TRAPPC10: variants seen among roughly 807,000 people sequenced by gnomAD.
The protein encoded by TRAPPC10 is trafficking protein particle complex subunit 10.
In TRAPPC10, 23 loss-of-function variants were observed where a neutral mutation model predicts 125.5. The ratio of observed to expected loss-of-function variants is 0.18; its 90% CI spans 0.13 to 0.26. The LOEUF is 0.26. Among genes scored for constraint, TRAPPC10 ranks in the 10% least tolerant of loss-of-function variants. TRAPPC10 has a pLI of 1.00. For synonymous variants in TRAPPC10, 509 were observed against 518.0 expected (o/e 0.98, Z 0.24); for missense variants, 1,123 against 1,308.4 (o/e 0.86, Z 2.19).
At chr21:44,090,206 C>T (rs568693509) in intron 18 of TRAPPC10, among the ~76,000 whole-genome samples, 2 of 151,824 alleles carry the variant, frequency 1.3e-5, no homozygotes, top group African/African-American at 4.9e-5. Flanking sequence ...GATCTCTGTT[C>T]ATCCTTTCTT....
intron 1 of TRAPPC10, among the ~76,000 whole-genome samples, chr21:44,019,977 G>A (rs1347429047): frequency 6.6e-6 from 1 of 152,078 alleles, no homozygotes; most frequent in Non-Finnish European, 1.5e-5. Context: ...AGCCTCTTCT[G>A]TGCTCTCTCC....
intron 10 of TRAPPC10, 31 bp from the exon 11 acceptor site, chr21:44,077,662 A>G (rs769798917): frequency 2.0e-6 from 3 of 1,472,094 alleles, no homozygotes; most frequent in South Asian, 1.2e-5. Flanking sequence ...TAAAAGTTCA[A>G]GTACATAATT....
chr21:44,043,213 T>C (rs1173953614), intron 3 of TRAPPC10, among the ~76,000 whole-genome samples: 7 of 80,546 alleles, frequency 8.7e-5, no homozygotes, highest in African/African-American at 7.4e-4. Context: ...ATTACGCTTT[T>C]TTTTTTTTTT....
At chr21:44,071,789 G>A (rs1283209550) in intron 7 of TRAPPC10, among the ~76,000 whole-genome samples, 1 of 152,240 alleles carries the variant, frequency 6.6e-6, no homozygotes, top group African/African-American at 2.4e-5. Context: ...TGGAGCCGGT[G>A]AGAACTCGCA....
chr21:44,018,811 T>C (rs1406911061), intron 1 of TRAPPC10, among the ~76,000 whole-genome samples: 1 of 152,164 alleles, frequency 6.6e-6, no homozygotes, highest in Non-Finnish European at 1.5e-5. Flanking sequence ...TGTGGCTCAC[T>C]CTGGCTGAGT....
chr21:44,025,828 GTGTGT>G (rs2032999213), intron 1 of TRAPPC10, among the ~76,000 whole-genome samples: 1 of 5,360 alleles, frequency 1.9e-4, no homozygotes, highest in Non-Finnish European at 3.8e-4. Context: ...AGGGGTGTGT[GTGTGT>G]GTGTGTGTGT....
chr21:44,094,031 G>A (rs1211485799), intron 19 of TRAPPC10, 32 bp from the exon 20 acceptor site: 1 of 1,603,052 alleles, frequency 6.2e-7, no homozygotes, highest in East Asian at 2.2e-5. Flanking sequence ...TTATGGTGCT[G>A]TGTGAGCAGT....
At chr21:44,028,858 T>C (rs1184463574) in intron 1 of TRAPPC10, among the ~76,000 whole-genome samples, 1 of 152,106 alleles carries the variant, frequency 6.6e-6, no homozygotes, top group African/African-American at 2.4e-5. Context: ...AACAAGCGAG[T>C]TCCTGCTGGG....
At chr21:44,041,114 A>T (rs757011200) in intron 3 of TRAPPC10, among the ~76,000 whole-genome samples, 1 of 152,042 alleles carries the variant, frequency 6.6e-6, no homozygotes, top group Non-Finnish European at 1.5e-5. Context: ...TTGATGTTCT[A>T]CTTAATTCAT....
intron 3 of TRAPPC10, among the ~76,000 whole-genome samples, chr21:44,047,991 A>G (rs930114920): frequency 2.6e-5 from 4 of 152,302 alleles, no homozygotes; most frequent in East Asian, 1.9e-4. Flanking sequence ...GTCCAGGACA[A>G]ATTATTCCTT....
chr21:44,082,601 A>G lies in TRAPPC10; in HGVS notation c.1724-187A>G, dbSNP rs1345801207. On this transcript the variant is annotated intron_variant, in intron 13 of 22. Coordinates refer to ENST00000291574, the MANE Select transcript of TRAPPC10 (RefSeq NM_003274.5). This position sits in a 1 kb window ranked among gnomAD's most constrained non-coding sequence, Gnocchi z 4.4. ...AGGCATTACGTAGGTATTTGCTAAT[A>G]TTCTGCTTTTGATACAATAGCCTTT... is the stretch of plus-strand genomic sequence containing the variant. 2.0e-5 allele frequency among the ~76,000 whole-genome samples: 3 copies of G among 151,968 alleles called. No individual in the cohort carries two copies. The highest frequency in any genetic ancestry group is 4.4e-5 in the Non-Finnish European group (3 of 68,012).
chr21:44,023,233 C>T (rs1322367171), intron 1 of TRAPPC10, among the ~76,000 whole-genome samples: 12 of 151,684 alleles, frequency 7.9e-5, no homozygotes, highest in South Asian at 4.2e-4. Context: ...GGGGTTTCAC[C>T]GTGTTAGCCA....
chr21:44,084,294 G>A (rs542556213), intron 15 of TRAPPC10, 31 bp downstream of exon 15: 68 of 1,606,726 alleles, frequency 4.2e-5, no homozygotes, highest in East Asian at 3.1e-4. Context: ...TTGAGGAGGC[G>A]TGCTGCTGGG....
chr21:44,043,970 C>T (rs2034596674), intron 3 of TRAPPC10, among the ~76,000 whole-genome samples: 1 of 152,182 alleles, frequency 6.6e-6, no homozygotes. Context: ...CCTTGGTTCC[C>T]ACCAAATCCT....
At chr21:44,043,209 CTTTTTT>C (rs34708259) in intron 3 of TRAPPC10, among the ~76,000 whole-genome samples, 4 of 94,354 alleles carry the variant, frequency 4.2e-5, no homozygotes, top group African/African-American at 2.0e-4. Context: ...AATTATTACG[CTTTTTT>C]TTTTTTTTTT....
rs191729836 is a variant in TRAPPC10, at chr21:44,021,878, A to G, written c.67+9318A>G. Among the ~76,000 whole-genome samples, 6 of 152,288 alleles carry G rather than the reference A, an allele frequency of 3.9e-5. No individual in the cohort carries two copies. In the East Asian group the frequency reaches 1.2e-3, roughly 29 times the overall value. On this transcript the variant is annotated intron_variant, in intron 1 of 22. Coordinates refer to ENST00000291574, the MANE Select transcript of TRAPPC10 (RefSeq NM_003274.5). ...AGTCTGTAACACAGGCCTCACCAGA[A>G]ACCTAATCTACTGACACCTTGATCT...
chr21:44,013,341 T>C lies in TRAPPC10; in HGVS notation c.67+781T>C, dbSNP rs113471905. ...TTAAATACGGTTAAGAACAGTGAGC[T>C]TATGGGAAGTATTGAAATGTTTGTT... On this transcript the variant is annotated intron_variant, in intron 1 of 22. Transcript: ENST00000291574. Among the ~76,000 whole-genome samples the C allele has an allele frequency of 5.5e-3, 834 of 152,364 alleles. 2 individuals are homozygous for C. Among genetic ancestry groups the C allele is most frequent in the African/African-American group, 0.019 (794 of 41,578 alleles).
intron 7 of TRAPPC10, among the ~76,000 whole-genome samples, chr21:44,071,213 G>A (rs902394077): frequency 6.6e-6 from 1 of 152,222 alleles, no homozygotes; most frequent in Non-Finnish European, 1.5e-5. Flanking sequence ...GGAGCCGGGT[G>A]CCTCTTTGGG....
chr21:44,064,307 G>A (rs893185217), intron 7 of TRAPPC10, among the ~76,000 whole-genome samples: 1 of 66,204 alleles, frequency 1.5e-5, no homozygotes, highest in African/African-American at 2.9e-4. Flanking sequence ...ATAAATATGT[G>A]TGTGTGTGTG....
Sources: gnomAD v4.1 joint callset for allele counts (sites outside exome capture counted in the v4.1 genomes callset) on GRCh38, gnomAD v4.1.1 for gene constraint, Gnocchi (gnomAD v3.1) non-coding constraint, MANE v1.5 for transcripts, NCBI Gene and HGNC (gene_info 2026-07-23, HGNC 2026-07-21) for gene names.